Variants in TVP23A observed in about 807,000 individuals in gnomAD.
The protein encoded by TVP23A is trans-golgi network vesicle protein 23 homolog A, also known as Golgi apparatus membrane protein TVP23 homolog A.
A neutral mutation model predicts 31.7 loss-of-function variants in TVP23A; 21 were observed. The ratio of observed to expected loss-of-function variants is 0.66; its 90% CI spans 0.47 to 0.95. The LOEUF (loss-of-function observed/expected upper bound fraction) is 0.95, where lower values mean the gene tolerates loss of function less well. Among genes scored for constraint, TVP23A ranks in the 40% least tolerant of loss-of-function variants. The probability of loss-of-function intolerance (pLI) is 0.00; values close to 1 mark genes in which losing one functional copy is unlikely to be tolerated. For synonymous variants in TVP23A, 104 were observed against 96.0 expected, an observed-to-expected ratio of 1.08 and a Z score of -0.49; for missense variants, 279 against 255.6, an observed-to-expected ratio of 1.09 and a Z score of -0.62.
chr16:10,770,868 C>CAAAAAAAAAA (rs376701429), intron 6 of TVP23A, among the ~76,000 whole-genome samples: 1,431 of 66,338 alleles, frequency 0.022, 53 homozygotes, highest in African/African-American at 0.032. Context: ...ACTCCCATCT[C>CAAAAAAAAAA]AAAAAAAAAA....
chr16:10,784,430 A>T (rs2032615941), intron 2 of TVP23A, among the ~76,000 whole-genome samples: 1 of 151,922 alleles, frequency 6.6e-6, no homozygotes, highest in South Asian at 2.1e-4. Flanking sequence ...GCATGGTGGC[A>T]CACGCCTACA....
intron 2 of TVP23A, among the ~76,000 whole-genome samples, chr16:10,780,546 T>C (rs549619246): frequency 6.6e-6 from 1 of 152,286 alleles, no homozygotes; most frequent in African/African-American, 2.4e-5. Context: ...CCTATGTTAG[T>C]GAGAACTGGC....
chr16:10,798,696 A>G (rs1202759234), intron 2 of TVP23A, among the ~76,000 whole-genome samples: 2 of 149,792 alleles, frequency 1.3e-5, no homozygotes, highest in Non-Finnish European at 2.9e-5. Flanking sequence ...ATGGAGTCTC[A>G]CTCTGTCGCC....
rs369402614 is a variant in TVP23A at position 10,774,982 on chromosome 16, G to C, written c.204C>G (p.Leu68=). 27 of 1,612,924 alleles carry C rather than the reference G, an allele frequency of 1.7e-5. No homozygotes were observed. The highest frequency in any genetic ancestry group is 2.1e-5 in the Non-Finnish European group (25 of 1,179,492). Residue 68 remains leucine (L), a synonymous_variant, in exon 3 of 8, where the codon CTC becomes CTG. Transcript: ENST00000299866. Reference sequence around the variant, plus strand: ...CAGACCAGAAGTCCAGGGACAGGAGGAGCAGCACCATGACAAAACAGCCCA... The same window carrying C: ...CAGACCAGAAGTCCAGGGACAGGAGCAGCAGCACCATGACAAAACAGCCCA... ...SFVGCFVMVL[L]LLSLDFWSVK...
intron 2 of TVP23A, among the ~76,000 whole-genome samples, chr16:10,797,114 G>C (rs1460109726): frequency 6.6e-6 from 1 of 151,898 alleles, no homozygotes. Flanking sequence ...ACTTGAGCAG[G>C]GGAGGTCGAG....
intron 8 of TVP23A, chr16:10,761,664 C>CTTTTTTTTTTTT: frequency 1.1e-6 from 1 of 914,798 alleles, no homozygotes; most frequent in Admixed American, 2.8e-5. Flanking sequence ...CAAACTAAGC[C>CTTTTTTTTTTTT]TTTTTTTTTT....
At chr16:10,775,252 G>A (rs2031926929) in intron 2 of TVP23A, 156 bp from the exon 3 acceptor site, 2 of 1,442,974 alleles carry the variant, frequency 1.4e-6, no homozygotes, top group Non-Finnish European at 1.8e-6. Context: ...TGTAGCCCTG[G>A]GGACACATCA....
At chr16:10,781,849 TC>T (rs2032441297) in intron 2 of TVP23A, among the ~76,000 whole-genome samples, 6 of 131,414 alleles carry the variant, frequency 4.6e-5, no homozygotes, top group Admixed American at 3.7e-4. Flanking sequence ...ACTAACACAA[TC>T]TTTTTTTTTT....
In TVP23A at chr16:10,775,050, T is replaced by C; in HGVS notation, c.136A>G (p.Ile46Val). ...FFHLFFRVSA[I>V]VTYVSCDWFS... ...CAGTCGCAGCTCACGTAGGTGACGA[T>C]GGCACTCACTCGGAAAAACAGGTGG... The change falls in exon 3 of 8, where the codon ATC (isoleucine) becomes GTC (valine). Residue 46 changes from isoleucine (I) to valine (V), a missense_variant. Ile to Val is a conservative substitution (Grantham distance 29). Coordinates refer to ENST00000299866, the MANE Select transcript of TVP23A (RefSeq NM_001079512.4). The C allele has an allele frequency of 6.2e-7, 1 of 1,611,926 alleles. No individual in the cohort carries two copies. The highest frequency in any genetic ancestry group is 1.1e-5 in the South Asian group (1 of 90,584).
At chr16:10,808,472 C>T in intron 2 of TVP23A, 1 of 453,700 alleles carries the variant, frequency 2.2e-6, no homozygotes, top group Non-Finnish European at 4.4e-6. Flanking sequence ...CTCAATATGA[C>T]ATTCACTAGG....
chr16:10,818,179 G>T lies in TVP23A; in HGVS notation c.13C>A (p.Leu5Met), dbSNP rs2034524747. 6.2e-7 allele frequency: 1 copy of T among 1,603,890 alleles called. No homozygotes were observed. Among genetic ancestry groups the T allele is most frequent in the East Asian group, 2.2e-5 (1 of 44,596 alleles). Residue 5 changes from leucine to methionine, a missense_variant, in exon 2 of 8, where the codon CTG (leucine) becomes ATG (methionine). Coordinates refer to ENST00000299866, the MANE Select transcript of TVP23A (RefSeq NM_001079512.4). This position sits in a 1 kb window ranked among gnomAD's most constrained non-coding sequence, Gnocchi z 4.7. Reference sequence around the variant, plus strand: ...GACACATCCTCGGTATCGTCCACCAGGGCCTGGGAGGAGAGCAAGGGCAGG... The same window carrying T: ...GACACATCCTCGGTATCGTCCACCATGGCCTGGGAGGAGAGCAAGGGCAGG... Reference protein sequence around the residue: MKQALVDDTEDVSLD... With the variant: MKQAMVDDTEDVSLD...
At chr16:10,774,550 C>G (rs1011106207) in intron 3 of TVP23A, among the ~76,000 whole-genome samples, 22 of 150,956 alleles carry the variant, frequency 1.5e-4, no homozygotes, top group African/African-American at 5.1e-4. Context: ...ATAAGTGCCA[C>G]GAGATCTGAT....
chr16:10,780,071 G>C (rs2032326619), intron 2 of TVP23A, among the ~76,000 whole-genome samples: 1 of 151,546 alleles, frequency 6.6e-6, no homozygotes, highest in Non-Finnish European at 1.5e-5. Flanking sequence ...CTGGGCGACA[G>C]AGTGAGACTC....
intron 2 of TVP23A, among the ~76,000 whole-genome samples, chr16:10,789,732 G>C (rs2032988238): frequency 6.6e-6 from 1 of 150,964 alleles, no homozygotes; most frequent in Non-Finnish European, 1.5e-5. Context: ...CTACTTGGGA[G>C]GCTGAGGCAA....
chr16:10,813,095 G>A (rs762207744), intron 2 of TVP23A, among the ~76,000 whole-genome samples: 1 of 152,164 alleles, frequency 6.6e-6, no homozygotes, highest in Non-Finnish European at 1.5e-5. Context: ...GGGACAGAAA[G>A]AGCAGAGACC....
chr16:10,773,955 T>G (rs950498129), intron 4 of TVP23A, 84 bp downstream of exon 4: 9 of 1,066,126 alleles, frequency 8.4e-6, no homozygotes, highest in African/African-American at 1.6e-5. Context: ...GAATCAGATA[T>G]GCACAAAACT....
Position 10,818,629 on chromosome 16 carries a change from G to T in TVP23A, c.-136C>A. The stretch of plus-strand genomic sequence containing the variant: ...CTGAGGGTCGGGGCCTGCGCCCTGT[G>T]GGGCAGCCTCAGCGCAGCTTCTCGG... On this transcript the variant is annotated 5_prime_UTR_variant, in exon 1 of 8. Coordinates refer to ENST00000299866, the MANE Select transcript of TVP23A (RefSeq NM_001079512.4). The surrounding 1 kb of genome is among the most constrained non-coding windows in gnomAD (Gnocchi z 4.7). 8.8e-7 allele frequency: 1 copy of T among 1,140,160 alleles called. No individual in the cohort carries two copies. The highest frequency in any genetic ancestry group is 1.2e-6 in the Non-Finnish European group (1 of 845,430). The allele number at this position is 1,140,160 out of a possible 1,614,324, so 70.6% of individuals were successfully genotyped here.
downstream of TVP23A, among the ~76,000 whole-genome samples, chr16:10,765,558 C>G (rs182470652): frequency 1.3e-5 from 2 of 152,076 alleles, no homozygotes; most frequent in African/African-American, 4.8e-5. The surrounding 1 kb of genome is among the most constrained non-coding windows in gnomAD (Gnocchi z 4.0). Flanking sequence ...AATATGTCCA[C>G]GGGCCCAGCC....
rs769638078 is a variant in TVP23A at position 10,770,296 on chromosome 16, C to G, written c.618G>C (p.Glu206Asp). 6.4e-7 allele frequency: 1 copy of G among 1,551,090 alleles called. No homozygotes were observed. Among genetic ancestry groups the G allele is most frequent in the Non-Finnish European group, 8.7e-7 (1 of 1,146,904 alleles). Residue 206 changes from glutamate to aspartate, a missense_variant, in exon 7 of 8, where the codon GAG (glutamate) becomes GAC (aspartate). Glu to Asp is a conservative substitution (Grantham distance 45). Transcript: ENST00000299866. ...CCTAATGCTGGTGAATCTCCAGCCC[C>G]TCGAGGCCAGGCTTCTGAAAGTCAC... ...CPGDFQKPGL[E>D]GLEIHQH
Sources: gnomAD v4.1 joint callset for allele counts (sites outside exome capture counted in the v4.1 genomes callset) on GRCh38, gnomAD v4.1.1 for gene constraint, Gnocchi (gnomAD v3.1) non-coding constraint, MANE v1.5 for transcripts, NCBI Gene and HGNC (gene_info 2026-07-23, HGNC 2026-07-21) for gene names.